The following CUL5 variants were observed in gnomAD, a reference collection of about 807,000 sequenced individuals.
CUL5 encodes cullin-5.
CUL5 carries 26 observed loss-of-function variants against 108.8 expected under a neutral mutation model. The ratio of observed to expected loss-of-function variants is 0.24; its 90% CI spans 0.18 to 0.33. The LOEUF (loss-of-function observed/expected upper bound fraction) is 0.33. Among genes scored for constraint, CUL5 ranks in the 10% least tolerant of loss-of-function variants. The probability of loss-of-function intolerance (pLI) is 1.00; values close to 1 mark genes in which losing one functional copy is unlikely to be tolerated. For missense variants in CUL5, 524 were observed against 909.2 expected, an observed-to-expected ratio of 0.58 and a Z score of 5.45; for synonymous variants, 334 against 298.0, an observed-to-expected ratio of 1.12 and a Z score of -1.25.
chr11:108,075,352 T>C (rs1043804634), intron 10 of CUL5, among the ~76,000 whole-genome samples: 4 of 152,156 alleles, frequency 2.6e-5, no homozygotes, highest in African/African-American at 9.7e-5. Flanking sequence ...AAGTGTTGAG[T>C]TCTTGAAGTT....
In CUL5 at chr11:108,104,200, T is replaced by C; in HGVS notation, c.2159T>C (p.Ile720Thr). Residue 720 changes from isoleucine (I) to threonine (T), a missense_variant, in exon 19 of 19, where the codon ATA (isoleucine) becomes ACA (threonine). Physicochemically the swap from Ile to Thr is moderately conservative, Grantham distance 89. Around this residue, in one of 8 missense-constraint regions of CUL5, gnomAD observed 66 missense variants for 81.4 expected, o/e 0.81. Transcript: ENST00000393094. ...TATTTTTTCTTTTAGGAAGCTATCA[T>C]ACAAATAATGAAAATGAGAAAGAAA... ...LRILRTQEAI[I>T]QIMKMRKKIS... 5.1e-6 allele frequency: 8 copies of C among 1,567,880 alleles called. No homozygotes were observed. Among genetic ancestry groups the C allele is most frequent in the Non-Finnish European group, 6.0e-6 (7 of 1,158,096 alleles).
At chr11:108,059,068 A>G (rs1863471134) in intron 7 of CUL5, among the ~76,000 whole-genome samples, 1 of 152,140 alleles carries the variant, frequency 6.6e-6, no homozygotes, top group African/African-American at 2.4e-5. Flanking sequence ...GTGGCTGTTC[A>G]CAGGTTTGAT....
chr11:108,042,432 G>T (rs1036151830), intron 2 of CUL5, among the ~76,000 whole-genome samples: 6 of 151,972 alleles, frequency 3.9e-5, no homozygotes, highest in African/African-American at 1.5e-4. Context: ...ATGTTGTCTA[G>T]GCTGGTCCTG....
intron 1 of CUL5, among the ~76,000 whole-genome samples, chr11:108,019,097 G>A (rs931351278): frequency 2.0e-5 from 3 of 150,986 alleles, no homozygotes; most frequent in Non-Finnish European, 4.4e-5. Flanking sequence ...ATTTAGAGAT[G>A]GTTTAAAGTG....
chr11:108,103,283 G>A (rs1415041867), intron 18 of CUL5, among the ~76,000 whole-genome samples: 1 of 152,122 alleles, frequency 6.6e-6, no homozygotes, highest in Non-Finnish European at 1.5e-5. Flanking sequence ...AAAAGTGACT[G>A]GGCATCGTGG....
intron 13 of CUL5, among the ~76,000 whole-genome samples, chr11:108,093,875 AT>A (rs1341372456): frequency 6.6e-6 from 1 of 152,040 alleles, no homozygotes; most frequent in Non-Finnish European, 1.5e-5. Flanking sequence ...AACTTTTAAA[AT>A]TTTTTTGTAG....
Position 108,097,422 on chromosome 11 carries a change from T to C in CUL5, c.1906-214T>C, listed in dbSNP as rs563288102. Among the ~76,000 whole-genome samples, 19 of 152,368 alleles carry C rather than the reference T, an allele frequency of 1.2e-4. No individual in the cohort carries two copies. The South Asian group carries it at 3.9e-3, about 32-fold the overall frequency. On this transcript the variant is annotated intron_variant, in intron 16 of 18. Transcript: ENST00000393094. ...GACCAATCCCAGTTTCTTGTCTTAC[T>C]GTAAAGAGAGCATTTATTGCTTTCT... is the stretch of plus-strand genomic sequence containing the variant.
chr11:108,030,169 G>A (rs1028849855), intron 1 of CUL5, among the ~76,000 whole-genome samples: 6 of 152,302 alleles, frequency 3.9e-5, no homozygotes, highest in South Asian at 2.1e-4. Context: ...AGTATATGCC[G>A]CAGCATCACA....
intron 4 of CUL5, 89 bp downstream of exon 4, chr11:108,050,155 G>T: frequency 6.4e-6 from 7 of 1,093,838 alleles, no homozygotes; most frequent in South Asian, 1.7e-5. Context: ...CTTTTAAGTG[G>T]GTTTTTCTAC....
chr11:108,101,899 C>T (rs999418668), intron 18 of CUL5, among the ~76,000 whole-genome samples: 5 of 152,258 alleles, frequency 3.3e-5, no homozygotes, highest in African/African-American at 9.6e-5. Flanking sequence ...TTCCTTCTTC[C>T]TCTCTGAACC....
At chr11:108,064,651 A>G (rs1217635225) in intron 7 of CUL5, among the ~76,000 whole-genome samples, 1 of 152,180 alleles carries the variant, frequency 6.6e-6, no homozygotes, top group Non-Finnish European at 1.5e-5. Flanking sequence ...TGGAGCTTGC[A>G]GTGAGCCAAG....
chr11:108,072,287 C>T (rs373547119), intron 8 of CUL5, 45 bp from the exon 9 acceptor site: 159 of 1,465,314 alleles, frequency 1.1e-4, no homozygotes, highest in Non-Finnish European at 1.4e-4. Flanking sequence ...TAAACTCTTA[C>T]TCTAGTAAAT....
In CUL5 at chr11:108,078,234, A is replaced by G; in HGVS notation, c.1172A>G (p.Gln391Arg). ...TTTAAACTTGAATTACCTTTGAAGC[A>G]GAAGGGGTAAGTTTTTTAAAACCAT... ...TIFKLELPLKQKGVGLKTQPE... is the reference protein window; with the variant it reads ...TIFKLELPLKRKGVGLKTQPE... Residue 391 changes from glutamine (Q) to arginine (R), a missense_variant, in exon 11 of 19, where the codon CAG (glutamine) becomes CGG (arginine). By Grantham distance (43) the Gln-to-Arg change is conservative (BLOSUM62 1). Coordinates refer to ENST00000393094, the MANE Select transcript of CUL5 (RefSeq NM_003478.6). The G allele has an allele frequency of 6.4e-7, 1 of 1,566,296 alleles. No individual in the cohort carries two copies. Among genetic ancestry groups the G allele is most frequent in the Non-Finnish European group, 8.7e-7 (1 of 1,149,086 alleles).
intron 8 of CUL5, among the ~76,000 whole-genome samples, chr11:108,071,788 A>G (rs1863829923): frequency 6.6e-6 from 1 of 152,156 alleles, no homozygotes. Context: ...TCCTGGGCTC[A>G]AATGATCCTC....
chr11:108,094,219 G>A (rs561001339), intron 13 of CUL5, among the ~76,000 whole-genome samples, 172 bp from the exon 14 acceptor site: 6 of 152,166 alleles, frequency 3.9e-5, no homozygotes, highest in Non-Finnish European at 5.9e-5. Context: ...TTGTAATACC[G>A]TATTTTGTTT....
intron 1 of CUL5, among the ~76,000 whole-genome samples, chr11:108,030,602 G>A (rs1388219798): frequency 6.6e-6 from 1 of 152,118 alleles, no homozygotes; most frequent in African/African-American, 2.4e-5. Context: ...GTGCCACCGC[G>A]CTCCAGCTTG....
At chr11:108,010,337 A>T (rs1375460507) in intron 1 of CUL5, among the ~76,000 whole-genome samples, 1 of 152,250 alleles carries the variant, frequency 6.6e-6, no homozygotes, top group African/African-American at 2.4e-5. Context: ...GGCAATGTGG[A>T]TGAATACTAG....
intron 3 of CUL5, among the ~76,000 whole-genome samples, chr11:108,049,500 C>T (rs1013846948): frequency 6.6e-6 from 1 of 151,924 alleles, no homozygotes; most frequent in Non-Finnish European, 1.5e-5. Flanking sequence ...CACCAACACA[C>T]CCAGCTAATT....
chr11:108,014,746 C>G lies in CUL5; in HGVS notation c.24+5374C>G, dbSNP rs566321058. 5.3e-4 allele frequency among the ~76,000 whole-genome samples: 81 copies of G among 152,244 alleles called. 1 individual carries two copies. The highest frequency in any genetic ancestry group is 9.7e-4 in the Non-Finnish European group (66 of 68,026). On this transcript the variant is annotated intron_variant, in intron 1 of 18. Coordinates refer to ENST00000393094, the MANE Select transcript of CUL5 (RefSeq NM_003478.6). ...AGATAATGATGAACTAGGCAGACAG[C>G]TCCTGCCCTTGTATAATTTACATTT...
Sources: gnomAD v4.1 joint callset for allele counts (sites outside exome capture counted in the v4.1 genomes callset) on GRCh38, gnomAD v4.1.1 for gene constraint, gnomAD v4.1.1 regional missense constraint, MANE v1.5 for transcripts, NCBI Gene and HGNC (gene_info 2026-07-23, HGNC 2026-07-21) for gene names.